The following PIK3C3 variants were observed in gnomAD, a reference collection of about 807,000 sequenced individuals.
PIK3C3 encodes PI3-kinase type 3.
A neutral mutation model predicts 126.1 loss-of-function variants in PIK3C3; 95 were observed. The observed-to-expected ratio is 0.75, with a 90% CI of 0.64 to 0.89. The LOEUF (loss-of-function observed/expected upper bound fraction) is 0.89. PIK3C3 is among the 40% of genes least tolerant of loss of function. The probability of loss-of-function intolerance (pLI) is 0.00; values close to 1 mark genes in which losing one functional copy is unlikely to be tolerated. For synonymous variants in PIK3C3, 374 were observed against 360.0 expected, an observed-to-expected ratio of 1.04 and a Z score of -0.44; for missense variants, 829 against 1,063.2, an observed-to-expected ratio of 0.78 and a Z score of 3.06.
At chr18:41,987,684 A>G (rs1981555717) in intron 4 of PIK3C3, 128 bp from the exon 5 acceptor site, 2 of 513,748 alleles carry the variant, frequency 3.9e-6, no homozygotes, top group South Asian at 3.5e-5. Flanking sequence ...TATCCTGCTA[A>G]TTGCGTATGG....
At chr18:41,963,129 A>G (rs557743302) in intron 3 of PIK3C3, among the ~76,000 whole-genome samples, 3 of 152,150 alleles carry the variant, frequency 2.0e-5, no homozygotes, top group East Asian at 3.9e-4. Context: ...TATTTTCTCT[A>G]TATCGTTTTT....
intron 15 of PIK3C3, among the ~76,000 whole-genome samples, chr18:42,031,129 GATA>G (rs1434582410): frequency 1.3e-5 from 2 of 152,168 alleles, no homozygotes; most frequent in Non-Finnish European, 2.9e-5. Context: ...GAAATGCAGA[GATA>G]GCGCTCTACT....
At chr18:41,980,473 C>A (rs929175927) in intron 4 of PIK3C3, among the ~76,000 whole-genome samples, 2 of 152,052 alleles carry the variant, frequency 1.3e-5, no homozygotes, top group Non-Finnish European at 2.9e-5. Flanking sequence ...GTAACCATTA[C>A]CCCATTTAGG....
At chr18:41,962,667 A>G in intron 3 of PIK3C3, 35 bp downstream of exon 3, 1 of 1,589,496 alleles carries the variant, frequency 6.3e-7, no homozygotes, top group South Asian at 1.1e-5. Flanking sequence ...GTAGGAGTGT[A>G]GCAGCTTTCT....
intron 21 of PIK3C3, among the ~76,000 whole-genome samples, chr18:42,054,385 T>G (rs1280589092): frequency 6.6e-6 from 1 of 150,886 alleles, no homozygotes; most frequent in Non-Finnish European, 1.5e-5. Flanking sequence ...TCTTTTCACA[T>G]TTTTCTGTCT....
intron 15 of PIK3C3, among the ~76,000 whole-genome samples, chr18:42,030,033 G>A (rs1407575663): frequency 2.6e-5 from 4 of 152,108 alleles, no homozygotes; most frequent in African/African-American, 9.7e-5. Flanking sequence ...GTAAATATTG[G>A]AGTGGGGATT....
chr18:41,985,838 C>A (rs937865806), intron 4 of PIK3C3, among the ~76,000 whole-genome samples: 1 of 152,012 alleles, frequency 6.6e-6, no homozygotes, highest in African/African-American at 2.4e-5. Context: ...ATATTAGCAG[C>A]AAACATAAAT....
intron 3 of PIK3C3, among the ~76,000 whole-genome samples, chr18:41,966,326 T>C (rs2144303327): frequency 6.6e-6 from 1 of 152,066 alleles, no homozygotes; most frequent in East Asian, 1.9e-4. Context: ...CATGCCACCG[T>C]GCCCAGCTAA....
At chr18:42,027,413 A>T (rs539875887) in intron 13 of PIK3C3, 30 bp from the exon 14 acceptor site, 1 of 1,298,954 alleles carries the variant, frequency 7.7e-7, no homozygotes, top group South Asian at 1.3e-5. Context: ...TTCATTTCAC[A>T]TCACATGAAT....
intron 16 of PIK3C3, among the ~76,000 whole-genome samples, chr18:42,034,556 A>T (rs1983963782): frequency 6.6e-6 from 1 of 152,058 alleles, no homozygotes; most frequent in Non-Finnish European, 1.5e-5. Context: ...GTTTTCTTAT[A>T]TTTTCACGTG....
intron 12 of PIK3C3, among the ~76,000 whole-genome samples, chr18:42,018,137 G>A (rs1306348114): frequency 6.6e-6 from 1 of 151,476 alleles, no homozygotes; most frequent in Non-Finnish European, 1.5e-5. Flanking sequence ...TTTTCTTGAA[G>A]GATACCTGCA....
intron 4 of PIK3C3, 146 bp downstream of exon 4, chr18:41,970,602 T>C (rs2144312632): frequency 2.7e-6 from 2 of 749,578 alleles, no homozygotes; most frequent in Non-Finnish European, 4.6e-6. Flanking sequence ...ATAATTCACA[T>C]ACCATAAAGT....
chr18:42,053,442 G>T (rs1984894857), intron 21 of PIK3C3, among the ~76,000 whole-genome samples: 1 of 152,132 alleles, frequency 6.6e-6, no homozygotes, highest in Non-Finnish European at 1.5e-5. Context: ...ATTGTCATGT[G>T]ATTAATTATA....
rs773783049 is a variant in PIK3C3, at chr18:42,057,923, G to T, written c.2304G>T (p.Arg768=). The T allele has an allele frequency of 6.2e-7, 1 of 1,613,490 alleles. No individual in the cohort carries two copies. The highest frequency in any genetic ancestry group is 1.3e-5 in the African/African-American group (1 of 74,860). Residue 768 remains arginine, a synonymous_variant, in exon 22 of 25, where the codon CGG becomes CGT. Coordinates refer to ENST00000262039, the MANE Select transcript of PIK3C3 (RefSeq NM_002647.4). ...FHIDFGYILG[R]DPKPLPPPMK... is the part of the protein sequence containing the mutation. ...TAGACTTTGGATATATTTTGGGTCG[G>T]GATCCAAAGCCTCTTCCTCCACCAA... is the stretch of plus-strand genomic sequence containing the variant.
intron 8 of PIK3C3, 57 bp downstream of exon 8, chr18:41,996,051 A>T: frequency 2.7e-6 from 3 of 1,097,150 alleles, no homozygotes; most frequent in South Asian, 2.6e-5. Flanking sequence ...TCTGGTTGAA[A>T]CTGATAGCTA....
rs1162984912 is a variant in PIK3C3 at position 42,087,352 on chromosome 18, C to G, written c.*6215C>G. 1 of 152,142 alleles carries G rather than the reference C, an allele frequency of 6.6e-6. No individual in the cohort carries two copies. The highest frequency in any genetic ancestry group is 1.5e-5 in the Non-Finnish European group (1 of 68,052). 9.4% of individuals were successfully genotyped at this position (152,142 alleles called of 1,614,324 possible). On this transcript the variant is annotated 3_prime_UTR_variant, in exon 25 of 25. Transcript: ENST00000262039. The stretch of plus-strand genomic sequence containing the variant: ...TTCTGATTGGTTGCATCATGTATGA[C>G]GTTTGCAAGGTGCATGTGGAAGGCT...
chr18:42,003,851 G>A (rs114845364), intron 9 of PIK3C3, among the ~76,000 whole-genome samples: 1 of 152,218 alleles, frequency 6.6e-6, no homozygotes, highest in African/African-American at 2.4e-5. Context: ...ACTCCACATC[G>A]TTTGAGTCTT....
At chr18:42,037,580 G>A in intron 16 of PIK3C3, 112 bp from the exon 17 acceptor site, 1 of 903,674 alleles carries the variant, frequency 1.1e-6, no homozygotes, top group East Asian at 2.5e-5. Context: ...TTGTTTTTTA[G>A]GTCCTATTTA....
At position 42,058,001 on chromosome 18, in the gene PIK3C3, G is replaced by A. The variant is rs759430946; in HGVS notation, c.2382G>A (p.Gln794=). Residue 794 remains glutamine (Q), a synonymous_variant, in exon 22 of 25, where the codon CAG becomes CAA. Transcript: ENST00000262039. ...VEGMGGTQSE[Q]YQEFRKQCYT... The stretch of plus-strand genomic sequence containing the variant: ...GAATGGGGGGCACACAGAGTGAGCA[G>A]TACCAAGAGTTCCGTAAACAGTGTT... 5.6e-6 allele frequency: 9 copies of A among 1,612,688 alleles called. No homozygotes were observed. The East Asian group carries it at 8.9e-5, about 16-fold the overall frequency.
Sources: allele counts gnomAD v4.1 joint callset (sites outside exome capture counted in the v4.1 genomes callset), GRCh38; gene constraint gnomAD v4.1.1; transcripts MANE v1.5; gene names NCBI Gene and HGNC (gene_info 2026-07-23, HGNC 2026-07-21).